The following RNF220 variants were observed in gnomAD, a reference collection of about 807,000 sequenced individuals.
The protein encoded by RNF220 is E3 ubiquitin-protein ligase RNF220.
A neutral mutation model predicts 67.1 loss-of-function variants in RNF220; 7 were observed. The ratio of observed to expected loss-of-function variants is 0.10; its 90% confidence interval spans 0.06 to 0.20. RNF220 has a LOEUF of 0.20. Ranked by LOEUF, RNF220 falls within the 10% of genes least tolerant of loss-of-function variation. The probability of loss-of-function intolerance (pLI) is 1.00; values close to 1 mark genes in which losing one functional copy is unlikely to be tolerated. For synonymous variants in RNF220, 270 were observed against 283.2 expected, an observed-to-expected ratio of 0.95 and a Z score of 0.47; for missense variants, 565 against 740.3, an observed-to-expected ratio of 0.76 and a Z score of 2.75.
chr1:44,559,341 C>T (rs1663373101), intron 2 of RNF220, among the ~76,000 whole-genome samples: 1 of 152,232 alleles, frequency 6.6e-6, no homozygotes, highest in Admixed American at 6.5e-5. Flanking sequence ...CAGGAGCAGC[C>T]AATAGCCAGG....
chr1:44,559,992 C>T lies in RNF220; in HGVS notation c.626-54173C>T, dbSNP rs959398530. Among the ~76,000 whole-genome samples, 7 of 152,300 alleles carry T rather than the reference C, an allele frequency of 4.6e-5. No homozygotes were observed. The East Asian group carries it at 9.7e-4, about 21-fold the overall frequency. The stretch of plus-strand genomic sequence containing the variant: ...GCCCCCCTCAGCCCAGGAGGAGCCA[C>T]GGCTCCTTCAGCACCTCCCGGCTCT... On this transcript the variant is annotated intron_variant, in intron 2 of 14. Coordinates refer to ENST00000361799, the MANE Select transcript of RNF220 (RefSeq NM_018150.4).
chr1:44,471,426 C>CAAAATAAAAT lies in RNF220; in HGVS notation c.625+58708_625+58717dup, dbSNP rs61470361. ...TGGGTGACAGAGCGAGACTCCATCT[C>CAAAATAAAAT]AAAATAAAATAAAGTGTACAAGTCA... On this transcript the variant is annotated intron_variant, in intron 2 of 14. Transcript: ENST00000361799. Among the ~76,000 whole-genome samples the CAAAATAAAAT allele has an allele frequency of 2.6e-3, 393 of 151,910 alleles. 3 individuals carry two copies. The highest frequency in any genetic ancestry group is 8.8e-3 in the African/African-American group (365 of 41,274).
At chr1:44,611,088 T>C (rs1643280864) in intron 2 of RNF220, among the ~76,000 whole-genome samples, 1 of 152,024 alleles carries the variant, frequency 6.6e-6, no homozygotes, top group African/African-American at 2.4e-5. Context: ...GGTCTCAATA[T>C]AAAATTATAG....
At chr1:44,505,634 C>T (rs192904311) in intron 2 of RNF220, among the ~76,000 whole-genome samples, 440 of 152,258 alleles carry the variant, frequency 2.9e-3, no homozygotes, top group Non-Finnish European at 4.6e-3. Context: ...AAGGTACATG[C>T]GGGTAGCACC....
At chr1:44,538,074 T>G (rs1202631642) in intron 2 of RNF220, among the ~76,000 whole-genome samples, 3 of 152,254 alleles carry the variant, frequency 2.0e-5, no homozygotes, top group African/African-American at 7.2e-5. Flanking sequence ...GTACTTCATC[T>G]TGTTGGCTGT....
chr1:44,503,750 C>T (rs1386062938), intron 2 of RNF220, among the ~76,000 whole-genome samples: 1 of 152,234 alleles, frequency 6.6e-6, no homozygotes, highest in African/African-American at 2.4e-5. Context: ...CTTGGACCAA[C>T]AGCATCAGCA....
chr1:44,523,878 C>T (rs1354065580), intron 2 of RNF220, among the ~76,000 whole-genome samples: 1 of 152,138 alleles, frequency 6.6e-6, no homozygotes, highest in African/African-American at 2.4e-5. Context: ...CAAACCTGCT[C>T]GCCAGTGACC....
chr1:44,640,441 C>T (rs1317087995), intron 8 of RNF220, among the ~76,000 whole-genome samples: 1 of 152,226 alleles, frequency 6.6e-6, no homozygotes, highest in East Asian at 1.9e-4. Flanking sequence ...AGCAAGGCAC[C>T]TTCTGTCCCC....
chr1:44,588,353 G>A (rs891025021), intron 2 of RNF220, among the ~76,000 whole-genome samples: 32 of 152,308 alleles, frequency 2.1e-4, no homozygotes, highest in African/African-American at 6.3e-4. Context: ...CCTGCATCCC[G>A]GGCACCAGCA....
intron 2 of RNF220, among the ~76,000 whole-genome samples, chr1:44,598,606 G>A (rs960252721): frequency 2.6e-5 from 4 of 152,148 alleles, no homozygotes; most frequent in African/African-American, 2.4e-5. Flanking sequence ...GAGGCCTGCC[G>A]AGGGCTCTGG....
intron 2 of RNF220, among the ~76,000 whole-genome samples, chr1:44,499,436 C>T (rs1657631019): frequency 6.6e-6 from 1 of 152,134 alleles, no homozygotes; most frequent in African/African-American, 2.4e-5. Context: ...ACAGCCAGTC[C>T]TCAGTGCATA....
At chr1:44,550,407 T>C (rs968787407) in intron 2 of RNF220, among the ~76,000 whole-genome samples, 1 of 152,204 alleles carries the variant, frequency 6.6e-6, no homozygotes, top group African/African-American at 2.4e-5. Flanking sequence ...TTGAGTACCA[T>C]GCAGCTGGTC....
chr1:44,592,233 C>G (rs1443320295), intron 2 of RNF220, among the ~76,000 whole-genome samples: 3 of 152,236 alleles, frequency 2.0e-5, no homozygotes, highest in Non-Finnish European at 4.4e-5. Context: ...CAGCACCACT[C>G]TGTGCTTAGA....
intron 2 of RNF220, among the ~76,000 whole-genome samples, chr1:44,545,122 A>ATG (rs1378496541): frequency 6.6e-6 from 1 of 152,190 alleles, no homozygotes; most frequent in Admixed American, 6.5e-5. Context: ...CACCCCTTCC[A>ATG]TGTGGCCATG....
intron 2 of RNF220, among the ~76,000 whole-genome samples, chr1:44,420,822 T>A (rs1649127886): frequency 6.6e-6 from 1 of 152,248 alleles, no homozygotes; most frequent in Non-Finnish European, 1.5e-5. Flanking sequence ...AACACATAGA[T>A]AATGCTTAGA....
At chr1:44,510,041 C>G (rs1188017359) in intron 2 of RNF220, among the ~76,000 whole-genome samples, 2 of 151,658 alleles carry the variant, frequency 1.3e-5, no homozygotes, top group Non-Finnish European at 2.9e-5. Flanking sequence ...AGTTTGAGAC[C>G]AGCCTGAGGT....
chr1:44,505,905 C>T (rs956977117), intron 2 of RNF220, among the ~76,000 whole-genome samples: 8 of 152,088 alleles, frequency 5.3e-5, no homozygotes, highest in Admixed American at 2.0e-4. Flanking sequence ...CCCCCCATGC[C>T]CTGCCCCAGT....
intron 2 of RNF220, among the ~76,000 whole-genome samples, chr1:44,513,545 T>C (rs1445998515): frequency 5.3e-5 from 8 of 152,140 alleles, no homozygotes; most frequent in Admixed American, 4.6e-4. Context: ...GTGCAGATTA[T>C]AGGCCTGTGA....
At chr1:44,520,417 G>A (rs1203194696) in intron 2 of RNF220, among the ~76,000 whole-genome samples, 1 of 152,162 alleles carries the variant, frequency 6.6e-6, no homozygotes, top group Non-Finnish European at 1.5e-5. Context: ...AGTGAGCCGA[G>A]ATCGCACCAC....
Sources: gnomAD v4.1 joint callset for allele counts (sites outside exome capture counted in the v4.1 genomes callset) on GRCh38, gnomAD v4.1.1 for gene constraint, MANE v1.5 for transcripts, NCBI Gene and HGNC (gene_info 2026-07-23, HGNC 2026-07-21) for gene names.